The following RORA variants were observed in gnomAD, a reference collection of about 807,000 sequenced individuals.
The protein encoded by RORA is nuclear receptor ROR-alpha.
In RORA, 7 loss-of-function variants were observed where a neutral mutation model predicts 69.5. The observed-to-expected ratio is 0.10, with a 90% CI of 0.06 to 0.19. RORA has a LOEUF of 0.19. Ranked by LOEUF, RORA falls within the 10% of genes least tolerant of loss-of-function variation. The probability of loss-of-function intolerance (pLI) is 1.00; values close to 1 mark genes in which losing one functional copy is unlikely to be tolerated. For synonymous variants in RORA, 261 were observed against 240.8 expected (o/e 1.08, Z -0.78); for missense variants, 457 against 663.0 (o/e 0.69, Z 3.41).
chr15:60,941,251 T>C (rs944883119), intron 1 of RORA, among the ~76,000 whole-genome samples: 1 of 152,198 alleles, frequency 6.6e-6, no homozygotes, highest in African/African-American at 2.4e-5. Context: ...AGGCACTAAA[T>C]TGAGTGTGGT....
intron 1 of RORA, among the ~76,000 whole-genome samples, chr15:61,107,073 TG>T (rs1423459897): frequency 2.6e-5 from 4 of 152,196 alleles, no homozygotes; most frequent in Non-Finnish European, 2.9e-5. Flanking sequence ...CTACATTCAT[TG>T]CTGGAGTGGG....
intron 2 of RORA, among the ~76,000 whole-genome samples, chr15:60,619,878 T>C (rs72748760): frequency 0.17 from 26,454 of 152,212 alleles, 2,356 homozygotes; most frequent in Middle Eastern, 0.27. Context: ...TTTGCCTGCT[T>C]TTGCAGGCCT....
chr15:61,227,039 T>G (rs576353949), intron 1 of RORA, among the ~76,000 whole-genome samples: 1 of 152,238 alleles, frequency 6.6e-6, no homozygotes, highest in South Asian at 2.1e-4. Context: ...GTTACGGATT[T>G]GCTAGTCGGC....
chr15:60,841,994 G>C (rs150446971), intron 1 of RORA, among the ~76,000 whole-genome samples: 1 of 151,978 alleles, frequency 6.6e-6, no homozygotes, highest in Non-Finnish European at 1.5e-5. Context: ...TCCTCCCCTC[G>C]CACTACAGTT....
intron 2 of RORA, among the ~76,000 whole-genome samples, chr15:60,666,750 G>A (rs773792231): frequency 6.6e-6 from 1 of 152,152 alleles, no homozygotes; most frequent in African/African-American, 2.4e-5. Context: ...CCCATGCATG[G>A]AATCTCCTGG....
intron 1 of RORA, among the ~76,000 whole-genome samples, chr15:60,946,275 G>GTCTCCC (rs1465390345): frequency 1.3e-5 from 2 of 151,558 alleles, no homozygotes; most frequent in African/African-American, 4.9e-5. Flanking sequence ...TCTCCCCACG[G>GTCTCCC]TCTCCCTCTC....
chr15:60,755,475 T>C (rs1567179493), intron 1 of RORA, among the ~76,000 whole-genome samples: 1 of 152,100 alleles, frequency 6.6e-6, no homozygotes, highest in Non-Finnish European at 1.5e-5. Flanking sequence ...AGCAGCATGA[T>C]TTATAATCCT....
rs139630275 is a variant in RORA at position 60,913,982 on chromosome 15, T to C, written c.167-235296A>G. Among the ~76,000 whole-genome samples the C allele has an allele frequency of 5.6e-4, 86 of 152,336 alleles. 1 individual carries two copies. The East Asian group carries it at 0.016, about 28-fold the overall frequency. ...TGTTTCTGTTAATGTCTGTCTCCCT[T>C]TCACACTGACTTTTGTATGAAAGGG... On this transcript the variant is annotated intron_variant, in intron 1 of 10. Coordinates refer to ENST00000335670, the MANE Select transcript of RORA (RefSeq NM_134261.3).
chr15:60,874,067 C>T (rs762197981), intron 1 of RORA, among the ~76,000 whole-genome samples: 1 of 152,152 alleles, frequency 6.6e-6, no homozygotes, highest in Non-Finnish European at 1.5e-5. Context: ...AAACCTACAA[C>T]AGCTGTTTAT....
intron 1 of RORA, among the ~76,000 whole-genome samples, chr15:61,034,370 T>C (rs1028361193): frequency 3.2e-4 from 49 of 152,330 alleles, no homozygotes; most frequent in Middle Eastern, 3.4e-3. Context: ...TCAGACTGCT[T>C]GAGTCAGTCT....
intron 1 of RORA, among the ~76,000 whole-genome samples, chr15:60,953,720 A>G (rs1401395131): frequency 1.1e-4 from 17 of 151,694 alleles, no homozygotes; most frequent in African/African-American, 3.9e-4. Context: ...ATCAGAGAAA[A>G]GCAAATCAAA....
intron 2 of RORA, among the ~76,000 whole-genome samples, chr15:60,576,583 G>A (rs541952618): frequency 1.3e-3 from 196 of 152,350 alleles, no homozygotes; most frequent in African/African-American, 4.6e-3. Context: ...GGAAGGTTGG[G>A]CTTTCACATA....
chr15:60,548,872 G>A (rs537701771), intron 2 of RORA, among the ~76,000 whole-genome samples: 8 of 152,208 alleles, frequency 5.3e-5, no homozygotes, highest in East Asian at 1.9e-4. Flanking sequence ...TGATCCGCCC[G>A]CCTTGGCCTC....
intron 1 of RORA, among the ~76,000 whole-genome samples, chr15:60,800,413 A>G (rs2072562340): frequency 6.6e-6 from 1 of 152,220 alleles, no homozygotes; most frequent in Non-Finnish European, 1.5e-5. Context: ...ACTAATTTAA[A>G]ACAAAATTTC....
intron 1 of RORA, among the ~76,000 whole-genome samples, chr15:60,845,359 T>C (rs1249758599): frequency 2.6e-5 from 4 of 152,330 alleles, no homozygotes; most frequent in Non-Finnish European, 4.4e-5. Context: ...GATGGTATGT[T>C]TCTCCTCTCT....
chr15:60,649,864 G>A (rs78725260), intron 2 of RORA, among the ~76,000 whole-genome samples: 1,656 of 152,162 alleles, frequency 0.011, 37 homozygotes, highest in East Asian at 0.083. Context: ...CTCTGGCAAC[G>A]GAAAGCTCAA....
chr15:60,904,558 A>G (rs1330156248), intron 1 of RORA, among the ~76,000 whole-genome samples: 1 of 152,180 alleles, frequency 6.6e-6, no homozygotes, highest in East Asian at 1.9e-4. Context: ...GTTCTCCTTC[A>G]GTATGGTGGC....
chr15:60,636,431 C>G (rs941426055), intron 2 of RORA, among the ~76,000 whole-genome samples: 4 of 152,160 alleles, frequency 2.6e-5, no homozygotes, highest in Admixed American at 2.6e-4. Flanking sequence ...TTTGCAATTA[C>G]TTTTAATAGC....
Position 60,945,039 on chromosome 15 carries a change from G to T in RORA, c.167-266353C>A, listed in dbSNP as rs542131821. Among the ~76,000 whole-genome samples the T allele has an allele frequency of 2.6e-5, 4 of 152,328 alleles. No individual in the cohort carries two copies. The South Asian group carries it at 6.2e-4, about 24-fold the overall frequency. On this transcript the variant is annotated intron_variant, in intron 1 of 10. Transcript: ENST00000335670. ...ACAAACAGCCCACTTTGGTTTTAGA[G>T]CAGAGAAAGCTAGGAGCTGATTGGC... is the stretch of plus-strand genomic sequence containing the variant.
Sources: allele counts gnomAD v4.1 joint callset (sites outside exome capture counted in the v4.1 genomes callset), GRCh38; gene constraint gnomAD v4.1.1; transcripts MANE v1.5; gene names NCBI Gene and HGNC (gene_info 2026-07-23, HGNC 2026-07-21).